Variants in DAB1 observed in about 807,000 individuals in gnomAD.
DAB1 encodes the protein DAB adaptor protein 1.
DAB1 carries 15 observed loss-of-function variants against 64.6 expected under a neutral mutation model. That is an observed-to-expected ratio of 0.23 (90% CI 0.16 to 0.36). DAB1 has a LOEUF of 0.36. Among genes scored for constraint, DAB1 ranks in the 10% least tolerant of loss-of-function variants. DAB1 has a pLI of 1.00. For missense variants in DAB1, 596 were observed against 706.7 expected (o/e 0.84, Z 1.78); for synonymous variants, 235 against 251.9 (o/e 0.93, Z 0.64).
intron 1 of DAB1, among the ~76,000 whole-genome samples, chr1:57,418,820 A>G (rs1684686725): frequency 6.6e-6 from 1 of 152,232 alleles, no homozygotes; most frequent in African/African-American, 2.4e-5. Context: ...ATTTCATAAA[A>G]TAGATGCCAG....
intron 5 of DAB1, among the ~76,000 whole-genome samples, chr1:58,139,602 G>GATTATGGGA (rs149541445): frequency 0.025 from 3,820 of 152,196 alleles, 138 homozygotes; most frequent in African/African-American, 0.087. Context: ...GACAAGAGAG[G>GATTATGGGA]ATTATGGGAA....
intron 2 of DAB1, among the ~76,000 whole-genome samples, chr1:58,526,601 C>CAAAAA (rs10574530): frequency 2.0e-3 from 240 of 121,344 alleles, no homozygotes; most frequent in African/African-American, 7.5e-3. Flanking sequence ...CTATGGCTAG[C>CAAAAA]AAAAAAAAAA....
At chr1:57,155,922 GTTGT>G (rs749722168) in intron 2 of DAB1, among the ~76,000 whole-genome samples, 26 of 151,996 alleles carry the variant, frequency 1.7e-4, no homozygotes, top group Non-Finnish European at 1.5e-4. Flanking sequence ...TTTTTGTGGA[GTTGT>G]TAGGTTTTTC....
At chr1:57,614,964 G>A (rs1012954909) in intron 7 of DAB1, among the ~76,000 whole-genome samples, 16 of 143,494 alleles carry the variant, frequency 1.1e-4, no homozygotes, top group East Asian at 2.2e-4. Flanking sequence ...TCCCTCTCCC[G>A]GGTTCACGCC....
intron 9 of DAB1, among the ~76,000 whole-genome samples, chr1:57,045,872 A>G (rs1167563178): frequency 6.6e-6 from 1 of 152,164 alleles, no homozygotes; most frequent in Non-Finnish European, 1.5e-5. Flanking sequence ...AGGCAGGAAG[A>G]TGGGAGGTGG....
chr1:58,078,945 G>A (rs748307080), intron 5 of DAB1, among the ~76,000 whole-genome samples: 28 of 152,312 alleles, frequency 1.8e-4, no homozygotes, highest in South Asian at 1.2e-3. Flanking sequence ...TAGAAAGCAT[G>A]ACATTGTTAC....
intron 5 of DAB1, among the ~76,000 whole-genome samples, chr1:57,927,693 G>C (rs1390828053): frequency 2.2e-4 from 33 of 152,096 alleles, no homozygotes; most frequent in Admixed American, 2.2e-3. Context: ...ACAAACTTAA[G>C]ACCTAATAAC....
chr1:57,277,807 A>G (rs967193226), intron 2 of DAB1, among the ~76,000 whole-genome samples: 1 of 152,182 alleles, frequency 6.6e-6, no homozygotes, highest in African/African-American at 2.4e-5. Context: ...CCCGTACATC[A>G]TCCTGAAATA....
chr1:57,746,993 G>C (rs149596713), intron 6 of DAB1, among the ~76,000 whole-genome samples: 1 of 152,010 alleles, frequency 6.6e-6, no homozygotes, highest in South Asian at 2.1e-4. Flanking sequence ...CTTATTATAC[G>C]TTGGCTTTTT....
upstream of DAB1, among the ~76,000 whole-genome samples, chr1:57,885,463 A>G (rs1644207936): frequency 6.6e-6 from 1 of 152,200 alleles, no homozygotes; most frequent in Admixed American, 6.5e-5. Flanking sequence ...ACAGATACAC[A>G]CAAATAGGAA....
intron 3 of DAB1, among the ~76,000 whole-genome samples, chr1:58,384,806 T>C (rs1644419656): frequency 1.3e-5 from 2 of 152,232 alleles, no homozygotes; most frequent in Non-Finnish European, 2.9e-5. Flanking sequence ...GCAGGAAGCA[T>C]CCAGCATGGG....
Position 57,033,276 on chromosome 1 carries a change from G to A in DAB1, c.724-7233C>T, listed in dbSNP as rs965864818. The A allele has an allele frequency of 3.4e-6, 4 of 1,161,800 alleles. No homozygotes were observed. The African/African-American group carries it at 4.5e-5, about 13-fold the overall frequency. The allele number at this position is 1,161,800 out of a possible 1,614,324, so 72.0% of individuals were successfully genotyped here. On this transcript the variant is annotated intron_variant, in intron 9 of 14. Transcript: ENST00000371236. ...GGGACATTTGAATAGGTACCTACTA[G>A]AGCAGAGCAGGGCAGGAAATCTGCC...
At chr1:57,000,100 G>A (rs1415732315) in intron 14 of DAB1, among the ~76,000 whole-genome samples, 1 of 142,046 alleles carries the variant, frequency 7.0e-6, no homozygotes, top group South Asian at 2.3e-4. Flanking sequence ...CTAGAGTGCA[G>A]TGGCGCGATG....
intron 4 of DAB1, among the ~76,000 whole-genome samples, chr1:58,260,907 A>G (rs555213): frequency 0.38 from 57,243 of 151,916 alleles, 11,337 homozygotes; most frequent in East Asian, 0.66. Context: ...GCTTCCCGAG[A>G]GTCCATAAAA....
chr1:58,042,870 T>G (rs1647158511), intron 5 of DAB1, among the ~76,000 whole-genome samples: 1 of 152,174 alleles, frequency 6.6e-6, no homozygotes, highest in Non-Finnish European at 1.5e-5. Flanking sequence ...ATTATAATAA[T>G]CAGATTTGCA....
At chr1:57,092,545 A>G (rs492424) in intron 4 of DAB1, among the ~76,000 whole-genome samples, 116,055 of 151,704 alleles carry the variant, frequency 0.77, 44,640 homozygotes, top group East Asian at 0.93. Context: ...TTAGCCTTCT[A>G]CCACAATTTT....
At chr1:57,320,480 C>T (rs987981295) in intron 1 of DAB1, among the ~76,000 whole-genome samples, 3 of 152,132 alleles carry the variant, frequency 2.0e-5, no homozygotes, top group Non-Finnish European at 4.4e-5. Context: ...AGATCTTCTC[C>T]ATATAGACAT....
In DAB1 at chr1:57,259,923, G is replaced by A. The variant is rs371734788; in HGVS notation, c.67+31041C>T. On this transcript the variant is annotated intron_variant, in intron 2 of 14. Transcript: ENST00000371236. ...TCTTCTTATTTGCTAATTTTCTGAG[G>A]AAGAGAGATTTTTTAAAAAGCAGGA... 6.1e-4 allele frequency among the ~76,000 whole-genome samples: 93 copies of A among 152,240 alleles called. 1 individual carries two copies. In the South Asian group the frequency reaches 0.017, roughly 27 times the overall value.
intron 2 of DAB1, among the ~76,000 whole-genome samples, chr1:58,510,572 A>G (rs1018369170): frequency 1.3e-5 from 2 of 152,166 alleles, no homozygotes; most frequent in African/African-American, 4.8e-5. Context: ...ACAAGGCAAG[A>G]ATGACCAATC....
Sources: gnomAD v4.1 joint callset for allele counts (sites outside exome capture counted in the v4.1 genomes callset) on GRCh38, gnomAD v4.1.1 for gene constraint, MANE v1.5 for transcripts, NCBI Gene and HGNC (gene_info 2026-07-23, HGNC 2026-07-21) for gene names.